The following ZMIZ1 variants were observed in gnomAD, a reference collection of about 807,000 sequenced individuals.
ZMIZ1 encodes zinc finger MIZ-type containing 1, also known as zinc finger MIZ domain-containing protein 1.
In ZMIZ1, 17 loss-of-function variants were observed where a neutral mutation model predicts 113.9. The observed-to-expected ratio is 0.15, with a 90% CI of 0.10 to 0.22. ZMIZ1 has a LOEUF of 0.22. Among genes scored for constraint, ZMIZ1 ranks in the 10% least tolerant of loss-of-function variants. ZMIZ1 has a pLI of 1.00. For missense variants in ZMIZ1, 1,059 were observed against 1,477.8 expected (o/e 0.72, Z 4.65); for synonymous variants, 607 against 603.1 (o/e 1.01, Z -0.09).
intron 7 of ZMIZ1, among the ~76,000 whole-genome samples, chr10:79,234,567 G>T (rs1312268132): frequency 6.6e-6 from 1 of 152,172 alleles, no homozygotes; most frequent in African/African-American, 2.4e-5. Context: ...CACCACTGTG[G>T]AATAACTTGG....
chr10:79,105,001 T>C (rs1374331681), intron 1 of ZMIZ1, among the ~76,000 whole-genome samples: 1 of 146,934 alleles, frequency 6.8e-6, no homozygotes, highest in Non-Finnish European at 1.5e-5. Context: ...GTGTCTTAAC[T>C]GCCATGGGTT....
intron 7 of ZMIZ1, among the ~76,000 whole-genome samples, chr10:79,263,731 A>C (rs1188043012): frequency 6.6e-6 from 1 of 151,928 alleles, no homozygotes; most frequent in Non-Finnish European, 1.5e-5. Flanking sequence ...GTTGAGGTCA[A>C]ATCAAATCAA....
chr10:79,139,967 A>G (rs976163185), intron 3 of ZMIZ1, among the ~76,000 whole-genome samples, 190 bp downstream of exon 3: 3 of 152,206 alleles, frequency 2.0e-5, no homozygotes, highest in Non-Finnish European at 4.4e-5. Context: ...ATACTGCCAG[A>G]AAAGGCTTCT....
chr10:79,171,695 A>C (rs940313420), intron 4 of ZMIZ1, among the ~76,000 whole-genome samples: 5 of 152,172 alleles, frequency 3.3e-5, no homozygotes, highest in Admixed American at 6.5e-5. Flanking sequence ...AAAGAGGAGG[A>C]GTCCTTGGGG....
intron 8 of ZMIZ1, among the ~76,000 whole-genome samples, chr10:79,287,660 G>T (rs985039540): frequency 6.6e-6 from 1 of 152,206 alleles, no homozygotes; most frequent in Non-Finnish European, 1.5e-5. Flanking sequence ...CATCTTTATT[G>T]TGTGCTCACA....
At chr10:79,081,030 C>T (rs1407417944) in intron 1 of ZMIZ1, among the ~76,000 whole-genome samples, 1 of 152,166 alleles carries the variant, frequency 6.6e-6, no homozygotes, top group Non-Finnish European at 1.5e-5. Context: ...TACGCTATCC[C>T]CATAGAGCAC....
At position 79,249,809 on chromosome 10, in the gene ZMIZ1, T is replaced by C. The variant is rs570608986; in HGVS notation, c.281-27372T>C. 4.1e-4 allele frequency among the ~76,000 whole-genome samples: 63 copies of C among 152,162 alleles called. 3 individuals are homozygous for C. The South Asian group carries it at 0.012, about 30-fold the overall frequency. On this transcript the variant is annotated intron_variant, in intron 7 of 24. Transcript: ENST00000334512. ...TTGGCAGCTCTGGTGACTGCTCCTCTCCCTTTCCCCCCAATGCACGAGGGA... is the reference window on the plus strand; with the variant it reads ...TTGGCAGCTCTGGTGACTGCTCCTCCCCCTTTCCCCCCAATGCACGAGGGA...
At chr10:79,219,168 G>A (rs77936468) in intron 7 of ZMIZ1, among the ~76,000 whole-genome samples, 1,714 of 152,252 alleles carry the variant, frequency 0.011, 8 homozygotes, top group Non-Finnish European at 0.018. Flanking sequence ...GGATATTTAA[G>A]AGGCAAAACT....
intron 4 of ZMIZ1, among the ~76,000 whole-genome samples, chr10:79,184,838 C>A (rs1006019086): frequency 6.6e-6 from 1 of 152,212 alleles, no homozygotes; most frequent in Non-Finnish European, 1.5e-5. Context: ...TTTGCTGATC[C>A]ATTGCTGCCC....
At position 79,308,482 on chromosome 10, in the gene ZMIZ1, G is replaced by A. The variant is rs543505019; in HGVS notation, c.2835+911G>A. Reference sequence around the variant, plus strand: ...TGGGGGTCCTGGGCCACACCAGCCAGGGAGAGGGCCCGGGGTCCTGCCAGA... The same window carrying A: ...TGGGGGTCCTGGGCCACACCAGCCAAGGAGAGGGCCCGGGGTCCTGCCAGA... On this transcript the variant is annotated intron_variant, in intron 23 of 24. Coordinates refer to ENST00000334512, the MANE Select transcript of ZMIZ1 (RefSeq NM_020338.4). 5.3e-5 allele frequency among the ~76,000 whole-genome samples: 8 copies of A among 152,298 alleles called. No individual in the cohort carries two copies. The East Asian group carries it at 1.5e-3, about 29-fold the overall frequency.
At chr10:79,088,288 G>A (rs1173265796) in intron 1 of ZMIZ1, among the ~76,000 whole-genome samples, 5 of 152,242 alleles carry the variant, frequency 3.3e-5, no homozygotes, top group Non-Finnish European at 5.9e-5. Context: ...GAATTGGCTC[G>A]GCAACAGCAG....
intron 3 of ZMIZ1, among the ~76,000 whole-genome samples, chr10:79,143,026 G>A (rs1845341310): frequency 6.6e-6 from 1 of 152,170 alleles, no homozygotes; most frequent in African/African-American, 2.4e-5. Flanking sequence ...ATATACGTGC[G>A]TGTCAGTGTT....
At chr10:79,154,940 G>A (rs966515990) in intron 3 of ZMIZ1, among the ~76,000 whole-genome samples, 3 of 152,138 alleles carry the variant, frequency 2.0e-5, no homozygotes, top group Non-Finnish European at 4.4e-5. Context: ...CCCTGTTTAC[G>A]GAGCATTTCC....
chr10:79,227,071 G>A (rs1024357968), intron 7 of ZMIZ1, among the ~76,000 whole-genome samples: 1 of 152,136 alleles, frequency 6.6e-6, no homozygotes, highest in Non-Finnish European at 1.5e-5. Flanking sequence ...TTTGACCAGG[G>A]CTTTCTGGCC....
chr10:79,243,160 C>T (rs1849954925), intron 7 of ZMIZ1, among the ~76,000 whole-genome samples: 1 of 151,428 alleles, frequency 6.6e-6, no homozygotes, highest in South Asian at 2.1e-4. Flanking sequence ...CCCGGAGCCC[C>T]CAGCCCCACG....
At chr10:79,101,906 G>A (rs1334387349) in intron 1 of ZMIZ1, among the ~76,000 whole-genome samples, 1 of 152,212 alleles carries the variant, frequency 6.6e-6, no homozygotes, top group African/African-American at 2.4e-5. Context: ...CTGCCACAAT[G>A]CAGGGAGGCA....
intron 4 of ZMIZ1, among the ~76,000 whole-genome samples, chr10:79,195,997 A>G (rs1473382344): frequency 1.3e-5 from 2 of 152,116 alleles, no homozygotes; most frequent in South Asian, 2.1e-4. Flanking sequence ...CTGCCCCTCA[A>G]CAAGCTGTCT....
intron 4 of ZMIZ1, among the ~76,000 whole-genome samples, chr10:79,193,862 A>G (rs1402996766): frequency 6.6e-6 from 1 of 152,148 alleles, no homozygotes; most frequent in African/African-American, 2.4e-5. Context: ...GTTGGGGACA[A>G]GGGATGTGAC....
At chr10:79,132,356 G>A (rs559695880) in intron 2 of ZMIZ1, among the ~76,000 whole-genome samples, 195 of 150,306 alleles carry the variant, frequency 1.3e-3, no homozygotes, top group African/African-American at 4.2e-3. Flanking sequence ...CAGCCTTTTC[G>A]GCCGGGCTTT....
Sources: gnomAD v4.1 joint callset for allele counts (sites outside exome capture counted in the v4.1 genomes callset) on GRCh38, gnomAD v4.1.1 for gene constraint, MANE v1.5 for transcripts, NCBI Gene and HGNC (gene_info 2026-07-23, HGNC 2026-07-21) for gene names.